Variants in EEF1E1 observed in about 807,000 individuals in gnomAD.
EEF1E1 encodes the protein eukaryotic translation elongation factor 1 epsilon 1.
In EEF1E1, 19 loss-of-function variants were observed where a neutral mutation model predicts 19.9. That is an observed-to-expected ratio of 0.95 (90% CI 0.66 to 1.40). The LOEUF (loss-of-function observed/expected upper bound fraction) is 1.40, where lower values mean the gene tolerates loss of function less well. Among genes scored for constraint, EEF1E1 ranks in the 40% most tolerant of loss-of-function variants. The pLI, the probability that EEF1E1 is intolerant of heterozygous loss-of-function variation, is 0.00. For missense variants in EEF1E1, 198 were observed against 202.2 expected (o/e 0.98, Z 0.13); for synonymous variants, 81 against 80.0 (o/e 1.01, Z -0.07).
intron 3 of EEF1E1, among the ~76,000 whole-genome samples, chr6:8,085,724 T>A (rs1231236922): frequency 6.6e-6 from 1 of 152,222 alleles, no homozygotes; most frequent in Non-Finnish European, 1.5e-5. Context: ...AAACTTATCA[T>A]AAGCTTTCCA....
intron 3 of EEF1E1, among the ~76,000 whole-genome samples, chr6:8,084,163 A>G (rs1242013206): frequency 6.6e-6 from 1 of 152,226 alleles, no homozygotes; most frequent in Non-Finnish European, 1.5e-5. Flanking sequence ...CATCCTGGTC[A>G]CTATATATGA....
At position 8,079,886 on chromosome 6, in the gene EEF1E1, G is replaced by A. The variant is rs1644774024; in HGVS notation, c.*4C>T. On this transcript the variant is annotated 3_prime_UTR_variant, in exon 4 of 4. Coordinates refer to ENST00000379715, the MANE Select transcript of EEF1E1 (RefSeq NM_004280.5). ...ATAGATCTTCTGTATGGCATGGACA[G>A]CTTCTAGTGGGAATTAGTATATAGT... 9 of 1,610,280 alleles carry A rather than the reference G, an allele frequency of 5.6e-6. No homozygotes were observed. Among genetic ancestry groups the A allele is most frequent in the African/African-American group, 1.3e-5 (1 of 74,958 alleles).
At chr6:8,088,567 C>T (rs1299914642) in intron 3 of EEF1E1, among the ~76,000 whole-genome samples, 5 of 152,216 alleles carry the variant, frequency 3.3e-5, no homozygotes, top group Non-Finnish European at 5.9e-5. Flanking sequence ...CCATGTAAGA[C>T]ATGACTTGCT....
chr6:8,076,035 G>T (rs1757580111), downstream of EEF1E1, among the ~76,000 whole-genome samples: 1 of 152,030 alleles, frequency 6.6e-6, no homozygotes, highest in Non-Finnish European at 1.5e-5. Context: ...CCATCTTCAG[G>T]CTCTGCTTCT....
At chr6:8,076,429 T>C (rs1223429381), downstream of EEF1E1, among the ~76,000 whole-genome samples, 1 of 152,132 alleles carries the variant, frequency 6.6e-6, no homozygotes, top group Non-Finnish European at 1.5e-5. Flanking sequence ...GTTCATGCTA[T>C]TCTCCTGTCT....
chr6:8,079,761 C>G lies in EEF1E1; in HGVS notation c.*129G>C, dbSNP rs1757680589. 2 of 1,337,986 alleles carry G rather than the reference C, an allele frequency of 1.5e-6. No homozygotes were observed. Among genetic ancestry groups the G allele is most frequent in the Admixed American group, 3.0e-5 (1 of 33,328 alleles). The allele number at this position is 1,337,986 out of a possible 1,614,324, so 82.9% of individuals were successfully genotyped here. ...TAAAACATTCAGACACAAGTTTACA[C>G]TTCAAAAATTCTATCAACTTCAACA... On this transcript the variant is annotated 3_prime_UTR_variant, in exon 4 of 4. Coordinates refer to ENST00000379715, the MANE Select transcript of EEF1E1 (RefSeq NM_004280.5).
chr6:8,080,766 G>A (rs1757704375), intron 3 of EEF1E1, among the ~76,000 whole-genome samples: 1 of 152,212 alleles, frequency 6.6e-6, no homozygotes, highest in South Asian at 2.1e-4. Flanking sequence ...TTGCAGCCAT[G>A]ACCCCATGAA....
chr6:8,076,243 A>G (rs1037595499), downstream of EEF1E1, among the ~76,000 whole-genome samples: 5 of 151,866 alleles, frequency 3.3e-5, no homozygotes, highest in African/African-American at 7.3e-5. Flanking sequence ...CAGGTTTTCA[A>G]TTTACTTTGC....
At chr6:8,099,718 G>C (rs905706993) in intron 1 of EEF1E1, among the ~76,000 whole-genome samples, 2 of 144,402 alleles carry the variant, frequency 1.4e-5, no homozygotes, top group African/African-American at 5.3e-5. Context: ...TTGCACTCCA[G>C]CCCGGGCAAC....
intron 1 of EEF1E1, among the ~76,000 whole-genome samples, chr6:8,101,225 CAAAAAAA>C (rs778878465): frequency 9.6e-4 from 3 of 3,116 alleles, no homozygotes; most frequent in African/African-American, 5.4e-3. Context: ...GACTTTGTCT[CAAAAAAA>C]AAAAAAAAAA....
At chr6:8,090,145 A>G in intron 3 of EEF1E1, 41 bp downstream of exon 3, 2 of 1,449,230 alleles carry the variant, frequency 1.4e-6, no homozygotes, top group Admixed American at 5.1e-5. Context: ...AATCATTCTC[A>G]ACACTACAGA....
At position 8,086,307 on chromosome 6, in the gene EEF1E1, C is replaced by T. The variant is rs184539570; in HGVS notation, c.384+3879G>A. On this transcript the variant is annotated intron_variant, in intron 3 of 3. Coordinates refer to ENST00000379715, the MANE Select transcript of EEF1E1 (RefSeq NM_004280.5). ...GGAACTGCATTCCATTCTGAATTTT[C>T]TGGTTACAATCCCTGTCTTCTCTCT... 3.3e-3 allele frequency among the ~76,000 whole-genome samples: 498 copies of T among 152,276 alleles called. 2 individuals are homozygous for T. Among genetic ancestry groups the T allele is most frequent in the Middle Eastern group, 6.8e-3 (2 of 294 alleles).
At chr6:8,097,100 G>A (rs966845312) in intron 2 of EEF1E1, among the ~76,000 whole-genome samples, 167 bp downstream of exon 2, 8 of 152,184 alleles carry the variant, frequency 5.3e-5, no homozygotes, top group Non-Finnish European at 1.0e-4. Context: ...GGAGGGGCTG[G>A]TGGGGGGAAC....
intron 3 of EEF1E1, chr6:8,073,625 C>T (rs1263019002): frequency 4.3e-6 from 6 of 1,388,572 alleles, no homozygotes; most frequent in Non-Finnish European, 5.8e-6. Context: ...AAAGTTTTAA[C>T]AGATATTTTA....
intron 1 of EEF1E1, among the ~76,000 whole-genome samples, chr6:8,099,915 A>G (rs1257023836): frequency 6.6e-6 from 1 of 152,082 alleles, no homozygotes; most frequent in African/African-American, 2.4e-5. Flanking sequence ...GATGTACCAT[A>G]ATTTAAAGAA....
Position 8,085,158 on chromosome 6 carries a change from A to T in EEF1E1, c.384+5028T>A, listed in dbSNP as rs534222398. On this transcript the variant is annotated intron_variant, in intron 3 of 3. Coordinates refer to ENST00000379715, the MANE Select transcript of EEF1E1 (RefSeq NM_004280.5). ...CAGTTGTTAAATATTGCTTTTATTTATTTTTTTAAGACAGGTCTCACTCTG... is the reference window on the plus strand; with the variant it reads ...CAGTTGTTAAATATTGCTTTTATTTTTTTTTTTAAGACAGGTCTCACTCTG... Among the ~76,000 whole-genome samples the T allele has an allele frequency of 1.6e-3, 238 of 152,076 alleles. 2 individuals carry two copies. The highest frequency in any genetic ancestry group is 5.3e-3 in the African/African-American group (221 of 41,504).
intron 3 of EEF1E1, among the ~76,000 whole-genome samples, chr6:8,081,195 T>C (rs113671742): frequency 2.6e-5 from 4 of 152,184 alleles, no homozygotes; most frequent in Non-Finnish European, 5.9e-5. Flanking sequence ...TTCAGAAAAA[T>C]TTAAGTTTCA....
At chr6:8,085,649 T>C (rs1303036412) in intron 3 of EEF1E1, among the ~76,000 whole-genome samples, 1 of 152,234 alleles carries the variant, frequency 6.6e-6, no homozygotes, top group Non-Finnish European at 1.5e-5. Context: ...AGGCCTCCTT[T>C]CACAGCCAAG....
At position 8,079,654 on chromosome 6, in the gene EEF1E1, T is replaced by A; in HGVS notation, c.*236A>T. On this transcript the variant is annotated 3_prime_UTR_variant, in exon 4 of 4. Coordinates refer to ENST00000379715, the MANE Select transcript of EEF1E1 (RefSeq NM_004280.5). ...TAAATGTCATCTACTAAAAACAAGG[T>A]TAATTTATAACTGGATCTCAACTTG... The A allele has an allele frequency of 8.4e-7, 1 of 1,184,064 alleles. No homozygotes were observed. The highest frequency in any genetic ancestry group is 1.0e-6 in the Non-Finnish European group (1 of 954,478). 73.3% of individuals were successfully genotyped at this position (1,184,064 alleles called of 1,614,324 possible).
Sources: gnomAD v4.1 joint callset for allele counts (sites outside exome capture counted in the v4.1 genomes callset) on GRCh38, gnomAD v4.1.1 for gene constraint, MANE v1.5 for transcripts, NCBI Gene and HGNC (gene_info 2026-07-23, HGNC 2026-07-21) for gene names.